The following CCDC192 variants were observed in gnomAD, a reference collection of about 807,000 sequenced individuals.
The protein encoded by CCDC192 is coiled-coil domain containing 192, also known as coiled-coil domain-containing protein 192.
intron 6 of CCDC192, among the ~76,000 whole-genome samples, chr5:127,901,193 A>T (rs1044593725): frequency 6.6e-6 from 1 of 152,222 alleles, no homozygotes; most frequent in South Asian, 2.1e-4. Flanking sequence ...AGTTTATATG[A>T]TGAAATTCAT....
intron 2 of CCDC192, among the ~76,000 whole-genome samples, chr5:127,709,632 C>G (rs1356623166): frequency 6.6e-6 from 1 of 152,100 alleles, no homozygotes; most frequent in Non-Finnish European, 1.5e-5. Flanking sequence ...AAGAGTGTTT[C>G]TCTTGAAGAA....
chr5:127,874,750 A>G (rs1348957669), intron 5 of CCDC192, among the ~76,000 whole-genome samples: 1 of 152,200 alleles, frequency 6.6e-6, no homozygotes, highest in Non-Finnish European at 1.5e-5. Flanking sequence ...AAGCAACACG[A>G]AAGCGCAAAT....
intron 2 of CCDC192, among the ~76,000 whole-genome samples, chr5:127,746,238 T>G (rs890081919): frequency 2.6e-5 from 4 of 152,214 alleles, no homozygotes; most frequent in African/African-American, 9.7e-5. Context: ...TTTCCTAAAT[T>G]TGTCTGTATG....
At chr5:127,843,149 C>G (rs1322479894) in intron 5 of CCDC192, among the ~76,000 whole-genome samples, 2 of 150,790 alleles carry the variant, frequency 1.3e-5, no homozygotes, top group Admixed American at 6.6e-5. Context: ...ATTCTTCTGC[C>G]TCAGCCTCCC....
chr5:127,869,545 T>C (rs1227495084), intron 5 of CCDC192, among the ~76,000 whole-genome samples: 1 of 152,204 alleles, frequency 6.6e-6, no homozygotes, highest in Non-Finnish European at 1.5e-5. Context: ...ATCACTGGAA[T>C]TCATCCCAAG....
chr5:127,791,976 A>C (rs528853584), intron 3 of CCDC192, among the ~76,000 whole-genome samples: 47 of 152,326 alleles, frequency 3.1e-4, no homozygotes, highest in African/African-American at 1.1e-3. Context: ...ATGATGTATG[A>C]GCAAGTTGGG....
chr5:127,878,981 G>A (rs1423666985), intron 6 of CCDC192, among the ~76,000 whole-genome samples: 1 of 148,492 alleles, frequency 6.7e-6, no homozygotes, highest in Non-Finnish European at 1.5e-5. Context: ...GTGAATGGGA[G>A]TTCACTCATG....
rs1757785421 is a variant in CCDC192, at chr5:127,806,430, G to T, written c.411+8268G>T. 2.6e-5 allele frequency among the ~76,000 whole-genome samples: 4 copies of T among 151,982 alleles called. No individual in the cohort carries two copies. The South Asian group carries it at 8.3e-4, about 32-fold the overall frequency. On this transcript the variant is annotated intron_variant, in intron 5 of 6. Coordinates refer to ENST00000514853, the MANE Select transcript of CCDC192 (RefSeq NM_001317938.2). ...CACACCCCCCACCCTACCGCCCCCAGCTACCGTTGCAGGTGTCTAGTCTTT... is the reference window on the plus strand; with the variant it reads ...CACACCCCCCACCCTACCGCCCCCATCTACCGTTGCAGGTGTCTAGTCTTT...
intron 2 of CCDC192, among the ~76,000 whole-genome samples, chr5:127,719,544 T>C (rs1315784520): frequency 0.021 from 727 of 33,966 alleles, 33 homozygotes; most frequent in Admixed American, 0.14. Context: ...CATATATATA[T>C]ATATATATAT....
chr5:127,907,891 C>A (rs1459803194), intron 6 of CCDC192, among the ~76,000 whole-genome samples: 1 of 152,144 alleles, frequency 6.6e-6, no homozygotes, highest in East Asian at 1.9e-4. Flanking sequence ...ATCTGATAAC[C>A]CAGAGCATTC....
intron 2 of CCDC192, among the ~76,000 whole-genome samples, chr5:127,748,495 G>A (rs1753920695): frequency 8.3e-6 from 1 of 120,868 alleles, no homozygotes; most frequent in African/African-American, 3.0e-5. Context: ...GTACCATGCT[G>A]TTTTGGTTAC....
chr5:127,743,174 A>G (rs888863992), intron 2 of CCDC192, among the ~76,000 whole-genome samples: 2 of 151,872 alleles, frequency 1.3e-5, no homozygotes, highest in African/African-American at 2.4e-5. Flanking sequence ...CTTCCCTCCA[A>G]CCACCAAGAC....
At chr5:127,867,816 C>A (rs1751676438) in intron 5 of CCDC192, among the ~76,000 whole-genome samples, 1 of 152,104 alleles carries the variant, frequency 6.6e-6, no homozygotes, top group Non-Finnish European at 1.5e-5. Flanking sequence ...ATGATAGCTT[C>A]TTTCTTTCTC....
chr5:127,792,695 G>A (rs1756942736), intron 3 of CCDC192, among the ~76,000 whole-genome samples: 1 of 151,566 alleles, frequency 6.6e-6, no homozygotes, highest in Admixed American at 6.6e-5. Flanking sequence ...GACAGAGCCA[G>A]ACCCTATCTC....
At chr5:127,863,616 G>A (rs549220615) in intron 5 of CCDC192, among the ~76,000 whole-genome samples, 1 of 152,274 alleles carries the variant, frequency 6.6e-6, no homozygotes, top group East Asian at 1.9e-4. Flanking sequence ...AAACTTTCTG[G>A]AAATTGGTTG....
At chr5:127,910,483 G>A (rs1024161254) in intron 6 of CCDC192, among the ~76,000 whole-genome samples, 3 of 152,166 alleles carry the variant, frequency 2.0e-5, no homozygotes, top group Admixed American at 2.0e-4. Context: ...CAATATAAAA[G>A]GAAACTTCCA....
At chr5:127,901,286 A>G (rs992166084) in intron 6 of CCDC192, among the ~76,000 whole-genome samples, 2 of 152,250 alleles carry the variant, frequency 1.3e-5, no homozygotes, top group African/African-American at 2.4e-5. Flanking sequence ...TCTTAAAAAA[A>G]TTATTCCTAA....
At chr5:127,737,117 C>G (rs1427313928) in intron 2 of CCDC192, among the ~76,000 whole-genome samples, 1 of 151,666 alleles carries the variant, frequency 6.6e-6, no homozygotes, top group Non-Finnish European at 1.5e-5. Flanking sequence ...CCCAGAGATT[C>G]TGGTATGTTG....
At chr5:127,930,702 A>T (rs768463113) in intron 6 of CCDC192, among the ~76,000 whole-genome samples, 4 of 152,108 alleles carry the variant, frequency 2.6e-5, no homozygotes, top group Non-Finnish European at 5.9e-5. Flanking sequence ...GTGGGAAGGA[A>T]CTCTGCCCCA....
Sources: allele counts gnomAD v4.1 joint callset (sites outside exome capture counted in the v4.1 genomes callset), GRCh38; gene constraint gnomAD v4.1.1; transcripts MANE v1.5; gene names NCBI Gene and HGNC (gene_info 2026-07-23, HGNC 2026-07-21).